Variants in GRM5 observed in about 807,000 individuals in gnomAD.
GRM5 encodes glutamate metabotropic receptor 5, also known as metabotropic glutamate receptor 5.
In GRM5, 19 loss-of-function variants were observed where a neutral mutation model predicts 83.1. The ratio of observed to expected loss-of-function variants is 0.23; its 90% CI spans 0.16 to 0.34. The LOEUF (loss-of-function observed/expected upper bound fraction) is 0.34, where lower values mean the gene tolerates loss of function less well. Ranked by LOEUF, GRM5 falls within the 10% of genes least tolerant of loss-of-function variation. The pLI, the probability that GRM5 is intolerant of heterozygous loss-of-function variation, is 1.00. For synonymous variants in GRM5, 675 were observed against 633.6 expected, an observed-to-expected ratio of 1.07 and a Z score of -0.98; for missense variants, 1,160 against 1,588.3, an observed-to-expected ratio of 0.73 and a Z score of 4.58.
chr11:88,884,416 T>C (rs903673111), intron 2 of GRM5, among the ~76,000 whole-genome samples: 21 of 152,212 alleles, frequency 1.4e-4, no homozygotes, highest in Non-Finnish European at 2.9e-4. Context: ...AGTAAGTAAC[T>C]TGCTTTTGAT....
At position 88,934,292 on chromosome 11, in the gene GRM5, T is replaced by A. The variant is rs565074010; in HGVS notation, c.662-84137A>T. On this transcript the variant is annotated intron_variant, in intron 2 of 9. Transcript: ENST00000305447. ...GAATGTGTCAAACTGTCAATTGATTTCAAAGATAACCTAACAAGGTTAATA... is the reference window on the plus strand; with the variant it reads ...GAATGTGTCAAACTGTCAATTGATTACAAAGATAACCTAACAAGGTTAATA... Among the ~76,000 whole-genome samples, 14 of 151,942 alleles carry A rather than the reference T, an allele frequency of 9.2e-5. No individual in the cohort carries two copies. The East Asian group carries it at 2.7e-3, about 29-fold the overall frequency.
intron 2 of GRM5, among the ~76,000 whole-genome samples, chr11:88,952,121 A>T (rs1405020306): frequency 7.7e-5 from 3 of 39,128 alleles, no homozygotes; most frequent in Non-Finnish European, 1.4e-4. Flanking sequence ...TGCACATACA[A>T]ACAAACACAC....
At chr11:88,669,359 T>G (rs1203011620) in intron 3 of GRM5, among the ~76,000 whole-genome samples, 1 of 152,108 alleles carries the variant, frequency 6.6e-6, no homozygotes. Context: ...GTCTTTACAG[T>G]GAAGATAACA....
rs998009435 is a variant in GRM5, at chr11:88,567,938, G to A, written c.1745C>T (p.Ala582Val). The A allele has an allele frequency of 6.2e-7, 1 of 1,613,966 alleles. No homozygotes were observed. Among genetic ancestry groups the A allele is most frequent in the Non-Finnish European group, 8.5e-7 (1 of 1,179,902 alleles). Residue 582 changes from alanine to valine, a missense_variant, in exon 8 of 10, where the codon GCA (alanine) becomes GTA (valine). Around this residue, in one of 9 missense-constraint regions of GRM5, gnomAD observed 132 missense variants for 245.5 expected, o/e 0.54. Coordinates refer to ENST00000305447, the MANE Select transcript of GRM5 (RefSeq NM_001143831.3). This position sits in a 1 kb window ranked among gnomAD's most constrained non-coding sequence, Gnocchi z 7.3. ...YLRWGDPEPI[A>V]AVVFACLGLL... ...GCCAAGGCAGGCAAACACCACAGCT[G>A]CAATGGGTTCAGGGTCACCCCATCG...
chr11:89,044,850 GA>G (rs200457790), intron 2 of GRM5, among the ~76,000 whole-genome samples: 11,147 of 130,494 alleles, frequency 0.085, 813 homozygotes, highest in African/African-American at 0.21. Context: ...AAGTGGGGAG[GA>G]AAAAAAAAAA....
chr11:88,722,119 A>C (rs1941556081), intron 3 of GRM5, among the ~76,000 whole-genome samples: 1 of 152,166 alleles, frequency 6.6e-6, no homozygotes, highest in Non-Finnish European at 1.5e-5. Flanking sequence ...TTTGGTCAAA[A>C]TTTCATTGCC....
chr11:88,643,264 G>A (rs1022961687), intron 4 of GRM5, among the ~76,000 whole-genome samples: 46 of 54,540 alleles, frequency 8.4e-4, no homozygotes, highest in Non-Finnish European at 2.6e-3. Context: ...TAGAGGTATG[G>A]TGCCATGCTT....
intron 2 of GRM5, among the ~76,000 whole-genome samples, chr11:88,931,884 TTA>T (rs1344236932): frequency 1.3e-5 from 2 of 152,132 alleles, no homozygotes; most frequent in Admixed American, 6.6e-5. Context: ...TATAAACACA[TTA>T]TATATGTCAT....
At chr11:88,606,091 A>G (rs1591377236) in intron 4 of GRM5, among the ~76,000 whole-genome samples, 2 of 152,262 alleles carry the variant, frequency 1.3e-5, no homozygotes, top group Non-Finnish European at 2.9e-5. Flanking sequence ...GCATTTTTGA[A>G]GAATAACAGA....
At chr11:88,938,635 C>T (rs943899149) in intron 2 of GRM5, among the ~76,000 whole-genome samples, 1 of 150,908 alleles carries the variant, frequency 6.6e-6, no homozygotes, top group African/African-American at 2.4e-5. Context: ...GCAGTAGAAC[C>T]AAATCCAGTC....
At chr11:88,539,641 C>T (rs1408378806) in intron 8 of GRM5, among the ~76,000 whole-genome samples, 6 of 152,292 alleles carry the variant, frequency 3.9e-5, no homozygotes, top group South Asian at 2.1e-4. Flanking sequence ...CTTCCTCATA[C>T]GAGACATAAC....
chr11:88,565,506 A>G (rs891312303), intron 8 of GRM5, among the ~76,000 whole-genome samples: 1 of 152,310 alleles, frequency 6.6e-6, no homozygotes, highest in African/African-American at 2.4e-5. Context: ...TGCTTGTTTT[A>G]TATACCAGGC....
rs1943455666 is a variant in GRM5 at position 88,804,186 on chromosome 11, G to C, written c.911+45720C>G. Among the ~76,000 whole-genome samples, 7 of 150,350 alleles carry C rather than the reference G, an allele frequency of 4.7e-5. No individual in the cohort carries two copies. The South Asian group carries it at 1.5e-3, about 32-fold the overall frequency. Reference sequence around the variant, plus strand: ...TTTGACCCAGCCATCCCATTACTGGGTATATACCCAAAGGACTATAAATCA... The same window carrying C: ...TTTGACCCAGCCATCCCATTACTGGCTATATACCCAAAGGACTATAAATCA... On this transcript the variant is annotated intron_variant, in intron 3 of 9. Coordinates refer to ENST00000305447, the MANE Select transcript of GRM5 (RefSeq NM_001143831.3).
At chr11:88,758,973 C>A (rs796463552) in intron 3 of GRM5, among the ~76,000 whole-genome samples, 1 of 152,122 alleles carries the variant, frequency 6.6e-6, no homozygotes, top group South Asian at 2.1e-4. Context: ...AATTTCATAT[C>A]TGGCCAAACT....
intron 3 of GRM5, among the ~76,000 whole-genome samples, chr11:88,833,557 T>A (rs1267563029): frequency 1.3e-5 from 2 of 151,996 alleles, no homozygotes; most frequent in African/African-American, 2.4e-5. Context: ...GAAAACAGTA[T>A]AAAGGTTTCT....
chr11:88,927,034 C>G (rs943443449), intron 2 of GRM5, among the ~76,000 whole-genome samples: 3 of 152,180 alleles, frequency 2.0e-5, no homozygotes, highest in Non-Finnish European at 2.9e-5. Context: ...TGTAGCCTTT[C>G]TTTTCAGGAG....
Position 88,875,840 on chromosome 11 carries a change from G to A in GRM5, c.662-25685C>T, listed in dbSNP as rs1487880967. Among the ~76,000 whole-genome samples the A allele has an allele frequency of 2.0e-5, 3 of 152,004 alleles. No individual in the cohort carries two copies. In the East Asian group the frequency reaches 5.8e-4, roughly 30 times the overall value. On this transcript the variant is annotated intron_variant, in intron 2 of 9. Transcript: ENST00000305447. ...TCTTAAGAGTAGTTCTTAACTGTGGGCTTAAAATATTCAGCAGAGCATTCT... is the reference window on the plus strand; with the variant it reads ...TCTTAAGAGTAGTTCTTAACTGTGGACTTAAAATATTCAGCAGAGCATTCT...
At chr11:88,534,571 G>T (rs995376372) in intron 8 of GRM5, among the ~76,000 whole-genome samples, 3 of 152,162 alleles carry the variant, frequency 2.0e-5, no homozygotes, top group Non-Finnish European at 4.4e-5. Context: ...TAACTAACTT[G>T]CTTTTGATTT....
chr11:89,008,859 T>C (rs193177046), intron 2 of GRM5, among the ~76,000 whole-genome samples: 62 of 152,304 alleles, frequency 4.1e-4, no homozygotes, highest in Non-Finnish European at 1.8e-4. Flanking sequence ...ACAATAAATA[T>C]GCATAAGTTT....
Sources: allele counts gnomAD v4.1 joint callset (sites outside exome capture counted in the v4.1 genomes callset), GRCh38; gene constraint gnomAD v4.1.1; regional missense constraint gnomAD v4.1.1; non-coding constraint Gnocchi (gnomAD v3.1); transcripts MANE v1.5; gene names NCBI Gene and HGNC (gene_info 2026-07-23, HGNC 2026-07-21).